CPVL: variants seen among roughly 807,000 people sequenced by gnomAD.
The protein encoded by CPVL is probable serine carboxypeptidase CPVL.
Under a neutral mutation model 63.7 loss-of-function variants are expected in CPVL, and 51 were observed. The observed-to-expected ratio is 0.80, with a 90% CI of 0.64 to 1.01. CPVL has a LOEUF of 1.01. Among genes scored for constraint, CPVL ranks in the 50% least tolerant of loss-of-function variants. The pLI, the probability that CPVL is intolerant of heterozygous loss-of-function variation, is 0.00. For synonymous variants in CPVL, 195 were observed against 206.0 expected, an observed-to-expected ratio of 0.95 and a Z score of 0.46; for missense variants, 530 against 573.1, an observed-to-expected ratio of 0.92 and a Z score of 0.77.
chr7:29,029,568 G>A (rs890136761), intron 12 of CPVL, among the ~76,000 whole-genome samples: 11 of 152,140 alleles, frequency 7.2e-5, no homozygotes, highest in African/African-American at 1.9e-4. Context: ...GACAAATATC[G>A]TATGTTCTCA....
chr7:29,048,027 G>A (rs1182519964), intron 11 of CPVL, among the ~76,000 whole-genome samples: 1 of 152,074 alleles, frequency 6.6e-6, no homozygotes, highest in Non-Finnish European at 1.5e-5. Context: ...ACCACTACAA[G>A]AACTGCTAAA....
intron 2 of CPVL, 64 bp downstream of exon 2, chr7:29,120,818 CAAAAAAAAAAA>C (rs375039373): frequency 5.6e-5 from 55 of 983,054 alleles, no homozygotes; most frequent in Middle Eastern, 3.3e-4. Context: ...GACTTCGTCT[CAAAAAAAAAAA>C]AAAAAAAAAG....
chr7:29,083,651 A>G (rs1784947015), intron 7 of CPVL, among the ~76,000 whole-genome samples: 1 of 152,256 alleles, frequency 6.6e-6, no homozygotes, highest in African/African-American at 2.4e-5. Context: ...AGATCAGGAA[A>G]GAATGACAGG....
At chr7:29,064,934 A>AT in intron 10 of CPVL, among the ~76,000 whole-genome samples, 1 of 40,172 alleles carries the variant, frequency 2.5e-5, no homozygotes. Flanking sequence ...AAAAATAAAA[A>AT]AAACCGCACA....
At position 29,002,966 on chromosome 7, in the gene CPVL, GC is replaced by G. The variant is rs567933621; in HGVS notation, c.1321-7085del. Among the ~76,000 whole-genome samples the G allele has an allele frequency of 1.7e-3, 205 of 120,198 alleles. 1 individual carries two copies. Among genetic ancestry groups the G allele is most frequent in the African/African-American group, 5.5e-3 (171 of 31,062 alleles). The allele number at this position is 120,198 out of a possible 152,430, so 78.9% of individuals were successfully genotyped here. On this transcript the variant is annotated intron_variant, in intron 12 of 12. Coordinates refer to ENST00000265394, the MANE Select transcript of CPVL (RefSeq NM_031311.5). ...GATAAAATGATAAGGAAGAAATGGGGCAAAAGAAACAAATAGTAACATTCAG... is the reference window on the plus strand; with the variant it reads ...GATAAAATGATAAGGAAGAAATGGGGAAAAGAAACAAATAGTAACATTCAG...
chr7:29,083,391 G>A (rs73302165), intron 7 of CPVL, among the ~76,000 whole-genome samples: 1 of 152,200 alleles, frequency 6.6e-6, no homozygotes, highest in Non-Finnish European at 1.5e-5. Context: ...CCAGGGTGTG[G>A]AGTGGGCCTC....
At chr7:29,112,948 G>C in intron 2 of CPVL, 126 bp from the exon 3 acceptor site, 1 of 646,876 alleles carries the variant, frequency 1.5e-6, no homozygotes, top group East Asian at 2.7e-5. Context: ...GGTATGACAG[G>C]TAGTTCCTTC....
intron 1 of CPVL, among the ~76,000 whole-genome samples, chr7:29,142,528 CT>C (rs10663904): frequency 0.045 from 5,790 of 127,532 alleles, 150 homozygotes; most frequent in Middle Eastern, 0.07. Flanking sequence ...CTTCCAGATA[CT>C]TTTTTTTTTT....
intron 5 of CPVL, among the ~76,000 whole-genome samples, chr7:29,174,738 T>C (rs547147545): frequency 4.2e-4 from 64 of 151,796 alleles, no homozygotes; most frequent in African/African-American, 1.4e-3. Context: ...CACACACCTG[T>C]AATCCCAGCT....
At chr7:29,123,724 TG>T (rs1789682839) in intron 1 of CPVL, among the ~76,000 whole-genome samples, 1 of 120,790 alleles carries the variant, frequency 8.3e-6, no homozygotes, top group African/African-American at 3.2e-5. Context: ...TTTTTTCCCC[TG>T]GGGACAGAAA....
intron 1 of CPVL, among the ~76,000 whole-genome samples, chr7:29,129,044 G>C (rs896954340): frequency 2.0e-5 from 3 of 152,150 alleles, no homozygotes; most frequent in African/African-American, 4.8e-5. Flanking sequence ...GGAGAGTTTA[G>C]AGCAAGGGAG....
chr7:29,151,059 C>G (rs574320659), upstream of CPVL, among the ~76,000 whole-genome samples: 16 of 152,074 alleles, frequency 1.1e-4, no homozygotes, highest in Non-Finnish European at 2.2e-4. Flanking sequence ...GCCCAGGTGG[C>G]GGTAACCAAG....
intron 10 of CPVL, among the ~76,000 whole-genome samples, chr7:29,065,164 T>A (rs1264217822): frequency 6.6e-6 from 1 of 152,136 alleles, no homozygotes; most frequent in Non-Finnish European, 1.5e-5. Flanking sequence ...ACTGTTAAAG[T>A]TTGAGTTTGA....
At chr7:29,181,136 C>T (rs559024161) in intron 5 of CPVL, among the ~76,000 whole-genome samples, 4 of 152,328 alleles carry the variant, frequency 2.6e-5, no homozygotes, top group South Asian at 4.1e-4. Context: ...TTCTAATTCT[C>T]AGTCATGATA....
In CPVL at chr7:29,020,299, G is replaced by C. The variant is rs184199544; in HGVS notation, c.1320+10278C>G. ...TTATCACAAAGTAGTGTAGCAGATG[G>C]GGGGAGGTAACATGTCCACCACTCC... On this transcript the variant is annotated intron_variant, in intron 12 of 12. Transcript: ENST00000265394. Among the ~76,000 whole-genome samples the C allele has an allele frequency of 1.8e-4, 27 of 152,272 alleles. No homozygotes were observed. In the East Asian group the frequency reaches 4.6e-3, roughly 26 times the overall value.
intron 1 of CPVL, among the ~76,000 whole-genome samples, chr7:29,126,083 T>C (rs1199701746): frequency 6.6e-6 from 1 of 152,254 alleles, no homozygotes; most frequent in Non-Finnish European, 1.5e-5. Context: ...TTAAAACATA[T>C]GTTCAAAGTA....
intron 3 of CPVL, chr7:29,096,546 T>C (rs545064849): frequency 3.8e-5 from 13 of 341,164 alleles, no homozygotes; most frequent in East Asian, 2.4e-4. Context: ...CATGGTTATA[T>C]ATTTTTAGCT....
At chr7:29,117,860 C>G (rs1253999225) in intron 2 of CPVL, among the ~76,000 whole-genome samples, 2 of 152,154 alleles carry the variant, frequency 1.3e-5, no homozygotes, top group African/African-American at 4.8e-5. Flanking sequence ...TGTATAGGTA[C>G]TATGCTAGGT....
intron 1 of CPVL, among the ~76,000 whole-genome samples, chr7:29,124,522 T>C (rs1481453338): frequency 6.6e-6 from 1 of 152,112 alleles, no homozygotes; most frequent in African/African-American, 2.4e-5. Context: ...AAGTTGAAAA[T>C]CATGTGTCCA....
Sources: gnomAD v4.1 joint callset for allele counts (sites outside exome capture counted in the v4.1 genomes callset) on GRCh38, gnomAD v4.1.1 for gene constraint, MANE v1.5 for transcripts, NCBI Gene and HGNC (gene_info 2026-07-23, HGNC 2026-07-21) for gene names.